Variants in BCL7A observed in about 807,000 individuals in gnomAD.
The protein encoded by BCL7A is B-cell CLL/lymphoma 7 protein family member A.
A neutral mutation model predicts 28.4 loss-of-function variants in BCL7A; 11 were observed. The ratio of observed to expected loss-of-function variants is 0.39; its 90% CI spans 0.24 to 0.64. BCL7A has a LOEUF of 0.64. Ranked by LOEUF, BCL7A falls within the 30% of genes least tolerant of loss-of-function variation. BCL7A has a pLI of 0.50. For missense variants in BCL7A, 222 were observed against 274.8 expected (o/e 0.81, Z 1.36); for synonymous variants, 123 against 103.3 (o/e 1.19, Z -1.15).
rs556323322 is a variant in BCL7A, at chr12:122,054,933, C to T, written c.561+7C>T. The T allele has an allele frequency of 2.5e-6, 4 of 1,614,156 alleles. No homozygotes were observed. Among genetic ancestry groups the T allele is most frequent in the East Asian group, 4.5e-5 (2 of 44,884 alleles). Reference sequence around the variant, plus strand: ...GACGTCTGCAATCTCTCAGGTACCTCGCTCGAGGTCTCAGAGGGGCAGCCA... The same window carrying T: ...GACGTCTGCAATCTCTCAGGTACCTTGCTCGAGGTCTCAGAGGGGCAGCCA... On this transcript the variant is annotated splice_region_variant and intron_variant, in intron 5 of 5. Transcript: ENST00000261822.
rs533177288 is a variant in BCL7A, at chr12:122,022,121, G to T, written c.30G>T (p.Thr10=). The T allele has an allele frequency of 6.3e-7, 1 of 1,586,920 alleles. No homozygotes were observed. Among genetic ancestry groups the T allele is most frequent in the East Asian group, 2.3e-5 (1 of 43,416 alleles). MSGRSVRAE[T]RSRAKDDIKR... ...CGGGCAGGTCGGTTCGAGCCGAGAC[G>T]AGGAGCCGGGCCAAAGATGATATCA... is the stretch of plus-strand genomic sequence containing the variant. The change falls in exon 1 of 6, where the codon ACG becomes ACT. Residue 10 remains threonine, a synonymous_variant. Coordinates refer to ENST00000261822, the MANE Select transcript of BCL7A (RefSeq NM_001024808.3).
At chr12:122,031,016 G>GTCTTCTTCTTCT (rs113429275) in intron 2 of BCL7A, among the ~76,000 whole-genome samples, 1 of 151,590 alleles carries the variant, frequency 6.6e-6, no homozygotes, top group Non-Finnish European at 1.5e-5. Flanking sequence ...CGCAAGCTGT[G>GTCTTCTTCTTCT]TCTTCTTCTT....
intron 3 of BCL7A, among the ~76,000 whole-genome samples, chr12:122,042,607 G>A (rs1406986546): frequency 1.3e-5 from 2 of 148,520 alleles, no homozygotes; most frequent in African/African-American, 2.5e-5. Context: ...CCCAGATCGC[G>A]CCATTGCACT....
intron 2 of BCL7A, among the ~76,000 whole-genome samples, chr12:122,031,129 C>T (rs370401130): frequency 1.6e-4 from 24 of 152,110 alleles, no homozygotes; most frequent in African/African-American, 4.6e-4. Context: ...TGAGTTCAAG[C>T]GATTCTCCAG....
Position 122,059,170 on chromosome 12 carries a change from C to G in BCL7A, c.*7C>G, listed in dbSNP as rs1455155770. 1 of 1,606,810 alleles carries G rather than the reference C, an allele frequency of 6.2e-7. No individual in the cohort carries two copies. Among genetic ancestry groups the G allele is most frequent in the Admixed American group, 1.7e-5 (1 of 60,002 alleles). On this transcript the variant is annotated 3_prime_UTR_variant, in exon 6 of 6. Transcript: ENST00000261822. This position sits in a 1 kb window ranked among gnomAD's most constrained non-coding sequence, Gnocchi z 4.0. ...AAACTCCGAAGAGATGTAGACGATG[C>G]TTTAAAGCCTCCGATCCATGTTCCA...
chr12:122,059,379 G>A lies in BCL7A; in HGVS notation c.*216G>A, dbSNP rs2135864055. ...AAAACACTCAAACCTTTAAGGGACT[G>A]TCCTTGGGGAGGCAGGCGGGGCTGA... On this transcript the variant is annotated 3_prime_UTR_variant, in exon 6 of 6. Transcript: ENST00000261822. This position sits in a 1 kb window ranked among gnomAD's most constrained non-coding sequence, Gnocchi z 4.0. 11 of 500,440 alleles carry A rather than the reference G, an allele frequency of 2.2e-5. 1 individual carries two copies. The South Asian group carries it at 2.8e-4, about 13-fold the overall frequency. 31.0% of individuals were successfully genotyped at this position (500,440 alleles called of 1,614,324 possible).
intron 2 of BCL7A, among the ~76,000 whole-genome samples, chr12:122,035,122 G>A (rs749646126): frequency 6.6e-6 from 1 of 152,156 alleles, no homozygotes; most frequent in Non-Finnish European, 1.5e-5. Context: ...CCCCACTGTG[G>A]GGCTCTCTGA....
intron 1 of BCL7A, among the ~76,000 whole-genome samples, chr12:122,022,422 C>T (rs1257743615): frequency 7.0e-6 from 1 of 143,580 alleles, no homozygotes; most frequent in Non-Finnish European, 1.5e-5. Context: ...CCTGGCGCGG[C>T]GGCCCGGAGG....
At position 122,049,251 on chromosome 12, in the gene BCL7A, AAAG is replaced by A. The variant is rs777186077; in HGVS notation, c.439+5207_439+5209del. ...AAAAAAAAAAAAAAAAAGAGAAGAA[AAAG>A]AAGAAGAAAGTAAGAAAGTGTGGTG... On this transcript the variant is annotated intron_variant, in intron 4 of 5. Coordinates refer to ENST00000261822, the MANE Select transcript of BCL7A (RefSeq NM_001024808.3). Among the ~76,000 whole-genome samples the A allele has an allele frequency of 6.7e-3, 1,001 of 150,490 alleles. 4 individuals carry two copies. The highest frequency in any genetic ancestry group is 0.012 in the Non-Finnish European group (810 of 67,438).
At chr12:122,038,647 C>A (rs1370080794) in intron 3 of BCL7A, among the ~76,000 whole-genome samples, 1 of 152,046 alleles carries the variant, frequency 6.6e-6, no homozygotes, top group Non-Finnish European at 1.5e-5. Flanking sequence ...CGACTCAGGA[C>A]TGAGGTTGGA....
intron 4 of BCL7A, among the ~76,000 whole-genome samples, chr12:122,050,169 CAG>C (rs1369924291): frequency 2.0e-5 from 3 of 152,112 alleles, no homozygotes; most frequent in Non-Finnish European, 4.4e-5. Flanking sequence ...TTAGCAGAGA[CAG>C]GGTTTCACCA....
chr12:122,027,330 C>T (rs1840934763), intron 1 of BCL7A, among the ~76,000 whole-genome samples: 2 of 152,210 alleles, frequency 1.3e-5, no homozygotes, highest in African/African-American at 2.4e-5. Context: ...TTTTAAAGTA[C>T]TGTGCAGGCC....
In BCL7A at chr12:122,061,210, A is replaced by G; in HGVS notation, c.*2047A>G. 1 of 229,354 alleles carries G rather than the reference A, an allele frequency of 4.4e-6. No individual in the cohort carries two copies. Among genetic ancestry groups the G allele is most frequent in the East Asian group, 6.2e-5 (1 of 16,096 alleles). 14.2% of individuals were successfully genotyped at this position (229,354 alleles called of 1,614,324 possible). A position where few individuals can be genotyped will look rare whatever the true frequency, so the allele number is the denominator to read the frequency against. Reference sequence around the variant, plus strand: ...TTTTGGGAAACGAGAGGCTACAACCAAGACAGCTGAAGGAGAATGAAACAC... The same window carrying G: ...TTTTGGGAAACGAGAGGCTACAACCGAGACAGCTGAAGGAGAATGAAACAC... On this transcript the variant is annotated 3_prime_UTR_variant, in exon 6 of 6. Transcript: ENST00000261822.
At chr12:122,056,785 G>C (rs1951881050) in intron 5 of BCL7A, among the ~76,000 whole-genome samples, 1 of 152,078 alleles carries the variant, frequency 6.6e-6, no homozygotes. Context: ...CAGCCTGGGT[G>C]ACAGAGCAAG....
chr12:122,022,269 C>T (rs1883480800), intron 1 of BCL7A, 86 bp downstream of exon 1: 1 of 794,820 alleles, frequency 1.3e-6, no homozygotes, highest in Non-Finnish European at 1.5e-6. Flanking sequence ...CGCAGCGCCC[C>T]GGCCGCCTGC....
chr12:122,061,898 C>G lies in BCL7A; in HGVS notation c.*2735C>G, dbSNP rs1015344528. 9.3e-6 allele frequency: 2 copies of G among 215,842 alleles called. No homozygotes were observed. Among genetic ancestry groups the G allele is most frequent in the East Asian group, 6.8e-5 (1 of 14,664 alleles). The allele number at this position is 215,842 out of a possible 1,614,324, so 13.4% of individuals were successfully genotyped here. A position where few individuals can be genotyped will look rare whatever the true frequency, so the allele number is the denominator to read the frequency against. ...GCATAAAGACCTTTTTTCACCGTTACCTAATTTTTTCCCCTTTCAAGAATT... is the reference window on the plus strand; with the variant it reads ...GCATAAAGACCTTTTTTCACCGTTAGCTAATTTTTTCCCCTTTCAAGAATT... On this transcript the variant is annotated 3_prime_UTR_variant, in exon 6 of 6. Coordinates refer to ENST00000261822, the MANE Select transcript of BCL7A (RefSeq NM_001024808.3).
Position 122,029,323 on chromosome 12 carries a change from G to A in BCL7A, c.93-1377G>A, listed in dbSNP as rs1018740174. ...TTGGGGGTGAGGTGTCTGTGGTTTC[G>A]GCTGGCTGGGTTTGAGTATGCTCCG... On this transcript the variant is annotated intron_variant, in intron 1 of 5. Coordinates refer to ENST00000261822, the MANE Select transcript of BCL7A (RefSeq NM_001024808.3). This position sits in a 1 kb window ranked among gnomAD's most constrained non-coding sequence, Gnocchi z 4.3. Among the ~76,000 whole-genome samples the A allele has an allele frequency of 2.6e-5, 4 of 152,116 alleles. No homozygotes were observed. Among genetic ancestry groups the A allele is most frequent in the East Asian group, 1.9e-4 (1 of 5,186 alleles).
At chr12:122,058,515 C>T (rs777842633) in intron 5 of BCL7A, among the ~76,000 whole-genome samples, 14 of 152,054 alleles carry the variant, frequency 9.2e-5, no homozygotes, top group Non-Finnish European at 1.3e-4. Flanking sequence ...AAAAATTAGC[C>T]GGGCATGGTG....
chr12:122,049,573 T>C (rs1339568444), intron 4 of BCL7A, among the ~76,000 whole-genome samples: 1 of 152,096 alleles, frequency 6.6e-6, no homozygotes, highest in Non-Finnish European at 1.5e-5. Context: ...TGCCAGTTTC[T>C]TGGGAGGCTG....
Sources: allele counts gnomAD v4.1 joint callset (sites outside exome capture counted in the v4.1 genomes callset), GRCh38; gene constraint gnomAD v4.1.1; non-coding constraint Gnocchi (gnomAD v3.1); transcripts MANE v1.5; gene names NCBI Gene and HGNC (gene_info 2026-07-23, HGNC 2026-07-21).